The following SOS1 variants were observed in gnomAD, a reference collection of about 807,000 sequenced individuals.
The protein encoded by SOS1 is SOS Ras/Rac guanine nucleotide exchange factor 1, also known as son of sevenless homolog 1.
In SOS1, 25 loss-of-function variants were observed where a neutral mutation model predicts 157.6. That is an observed-to-expected ratio of 0.16 (90% confidence interval 0.12 to 0.22). The LOEUF is 0.22. Among genes scored for constraint, SOS1 ranks in the 10% least tolerant of loss-of-function variants. The pLI is 1.00. For missense variants in SOS1, 1,237 were observed against 1,599.1 expected (o/e 0.77, Z 3.86); for synonymous variants, 528 against 534.0 (o/e 0.99, Z 0.16).
intron 6 of SOS1, among the ~76,000 whole-genome samples, chr2:39,047,990 A>G (rs1033774293): frequency 5.9e-5 from 9 of 152,136 alleles, no homozygotes; most frequent in Non-Finnish European, 1.3e-4. Context: ...TATACCCCAG[A>G]TATGAGTCTT....
At chr2:38,997,087 C>A in intron 18 of SOS1, 49 bp from the exon 19 acceptor site, 1 of 1,120,358 alleles carries the variant, frequency 8.9e-7, no homozygotes, top group South Asian at 1.4e-5. Context: ...ATTATAAATT[C>A]AGTTTGAAAT....
At chr2:39,033,651 C>T (rs1433689241) in intron 8 of SOS1, among the ~76,000 whole-genome samples, 2 of 152,074 alleles carry the variant, frequency 1.3e-5, no homozygotes, top group African/African-American at 4.8e-5. Context: ...TCCTCCTGCC[C>T]AGCCTTTTGA....
intron 5 of SOS1, among the ~76,000 whole-genome samples, chr2:39,053,303 T>C (rs954405001): frequency 6.6e-6 from 1 of 152,216 alleles, no homozygotes; most frequent in Non-Finnish European, 1.5e-5. Context: ...ATTTTAGCCT[T>C]TCAAATGAGT....
chr2:39,026,502 T>C (rs1669969518), intron 8 of SOS1, among the ~76,000 whole-genome samples: 1 of 152,218 alleles, frequency 6.6e-6, no homozygotes, highest in Non-Finnish European at 1.5e-5. Flanking sequence ...ATAATATTGT[T>C]CTTCAATATG....
At chr2:39,054,934 A>G (rs1671156158) in intron 4 of SOS1, 111 bp from the exon 5 acceptor site, 2 of 694,430 alleles carry the variant, frequency 2.9e-6, no homozygotes, top group Admixed American at 2.5e-5. Context: ...AAAAAAGCAG[A>G]CAAACAAATT....
At chr2:39,029,089 AG>A (rs1398643387) in intron 8 of SOS1, among the ~76,000 whole-genome samples, 1 of 152,224 alleles carries the variant, frequency 6.6e-6, no homozygotes, top group Non-Finnish European at 1.5e-5. Flanking sequence ...AGGGAAAGAA[AG>A]GTCATGACAT....
intron 4 of SOS1, among the ~76,000 whole-genome samples, chr2:39,055,333 C>T (rs1671176224): frequency 6.6e-6 from 1 of 152,144 alleles, no homozygotes; most frequent in African/African-American, 2.4e-5. Context: ...TCTACAGCAT[C>T]ATATCTCTAT....
intron 6 of SOS1, among the ~76,000 whole-genome samples, chr2:39,038,021 A>G (rs1223640849): frequency 6.6e-6 from 1 of 152,182 alleles, no homozygotes; most frequent in African/African-American, 2.4e-5. Context: ...GTCTCTTAAC[A>G]CAACATCCAT....
At chr2:39,004,703 A>G (rs909616986) in intron 17 of SOS1, among the ~76,000 whole-genome samples, 28 of 152,270 alleles carry the variant, frequency 1.8e-4, no homozygotes, top group African/African-American at 6.3e-4. Flanking sequence ...ATACATGTCA[A>G]TGAATAAAAA....
At chr2:38,997,606 A>ATTTTT (rs4015854) in intron 17 of SOS1, among the ~76,000 whole-genome samples, 181 bp from the exon 18 acceptor site, 1 of 146,300 alleles carries the variant, frequency 6.8e-6, no homozygotes, top group Non-Finnish European at 1.5e-5. Context: ...AAAGACTTAA[A>ATTTTT]TTTTTTTTTT....
intron 17 of SOS1, 93 bp from the exon 18 acceptor site, chr2:38,997,518 TCTCA>T: frequency 1.3e-6 from 1 of 783,696 alleles, no homozygotes; most frequent in Non-Finnish European, 2.1e-6. Context: ...CACTGTACCA[TCTCA>T]GTTGCCAAAA....
intron 1 of SOS1, among the ~76,000 whole-genome samples, chr2:39,086,811 T>C (rs1333434176): frequency 6.6e-6 from 1 of 152,000 alleles, no homozygotes; most frequent in Admixed American, 6.6e-5. Context: ...CACAGTTGCG[T>C]TGTTGTTCTT....
chr2:38,997,527 C>A, intron 17 of SOS1, 102 bp from the exon 18 acceptor site: 2 of 719,732 alleles, frequency 2.8e-6, no homozygotes, highest in South Asian at 1.9e-5. Flanking sequence ...ATCTCAGTTG[C>A]CAAAACAAAA....
chr2:39,108,587 C>T (rs982944605), intron 1 of SOS1, among the ~76,000 whole-genome samples: 2 of 152,144 alleles, frequency 1.3e-5, no homozygotes, highest in African/African-American at 4.8e-5. Flanking sequence ...GGTCCCACTT[C>T]CATTTAAAAA....
At chr2:39,120,241 A>C in intron 1 of SOS1, 95 bp downstream of exon 1, 2 of 1,125,726 alleles carry the variant, frequency 1.8e-6, no homozygotes, top group South Asian at 1.8e-5. Context: ...ACCGGGAAGA[A>C]AGACGGCCCT....
At chr2:39,001,735 C>G (rs1669105777) in intron 17 of SOS1, among the ~76,000 whole-genome samples, 1 of 152,190 alleles carries the variant, frequency 6.6e-6, no homozygotes, top group African/African-American at 2.4e-5. Flanking sequence ...GGCTGTCTAA[C>G]TCCAGAGACT....
chr2:38,998,212 G>A (rs1266635827), intron 17 of SOS1, among the ~76,000 whole-genome samples: 1 of 151,916 alleles, frequency 6.6e-6, no homozygotes, highest in African/African-American at 2.4e-5. Context: ...CAGTTCTGCT[G>A]CCTTCTCTGT....
At chr2:39,037,821 G>GC (rs1670410143) in intron 6 of SOS1, among the ~76,000 whole-genome samples, 2 of 151,890 alleles carry the variant, frequency 1.3e-5, no homozygotes, top group South Asian at 4.1e-4. Flanking sequence ...CTCTGGGTGT[G>GC]CCCTATAAAT....
At position 38,987,591 on chromosome 2, in the gene SOS1, C is replaced by T. The variant is rs768113420; in HGVS notation, c.3392G>A (p.Arg1131Lys). 4.0e-5 allele frequency: 57 copies of T among 1,411,822 alleles called. No homozygotes were observed. The highest frequency in any genetic ancestry group is 1.8e-4 in the Middle Eastern group (1 of 5,710). 87.5% of individuals were successfully genotyped at this position (1,411,822 alleles called of 1,614,324 possible). ...FIQVTLPHGP[R>K]SASVSSISLT... ...ACTTATAGATGATACAGAAGCAGAT[C>T]CTGTGGGATGTTAAATTTTTAAGAA... The change falls in exon 22 of 23, where the codon AGA becomes AAA. Residue 1131 changes from arginine (R) to lysine (K), a missense_variant and splice_region_variant. Transcript: ENST00000402219.
Sources: allele counts gnomAD v4.1 joint callset (sites outside exome capture counted in the v4.1 genomes callset), GRCh38; gene constraint gnomAD v4.1.1; transcripts MANE v1.5; gene names NCBI Gene and HGNC (gene_info 2026-07-23, HGNC 2026-07-21).